Variants in XKR6 observed in about 807,000 individuals in gnomAD.
XKR6 encodes the protein XK-related protein 6.
A neutral mutation model predicts 56.7 loss-of-function variants in XKR6; 22 were observed. That is an observed-to-expected ratio of 0.39 (90% CI 0.28 to 0.55). The LOEUF is 0.55. Among genes scored for constraint, XKR6 ranks in the 20% least tolerant of loss-of-function variants. The probability of loss-of-function intolerance (pLI) is 0.66; values close to 1 mark genes in which losing one functional copy is unlikely to be tolerated. For missense variants in XKR6, 852 were observed against 889.0 expected (o/e 0.96, Z 0.53); for synonymous variants, 524 against 387.8 (o/e 1.35, Z -4.13).
chr8:10,933,480 T>C (rs1185381966), intron 1 of XKR6, among the ~76,000 whole-genome samples: 2 of 129,334 alleles, frequency 1.5e-5, no homozygotes, highest in African/African-American at 6.6e-5. Context: ...CCCACGCCTA[T>C]GTCCTGAGTG....
intron 1 of XKR6, among the ~76,000 whole-genome samples, chr8:11,193,996 A>T (rs908635956): frequency 1.3e-5 from 2 of 152,234 alleles, no homozygotes; most frequent in Non-Finnish European, 2.9e-5. Flanking sequence ...TTAACTAATG[A>T]GATCTCCAAA....
chr8:11,094,793 T>A (rs1467368222), intron 1 of XKR6, among the ~76,000 whole-genome samples: 3 of 152,142 alleles, frequency 2.0e-5, no homozygotes, highest in Middle Eastern at 3.2e-3. Flanking sequence ...GATTCCCAAG[T>A]TACTTACCCA....
chr8:11,163,698 C>T (rs942000315), intron 1 of XKR6, among the ~76,000 whole-genome samples: 1 of 152,202 alleles, frequency 6.6e-6, no homozygotes, highest in African/African-American at 2.4e-5. Flanking sequence ...TTCTACCGCA[C>T]TGACTTTGTG....
At chr8:10,979,487 T>C (rs779009497) in intron 1 of XKR6, among the ~76,000 whole-genome samples, 10 of 151,938 alleles carry the variant, frequency 6.6e-5, no homozygotes, top group Non-Finnish European at 1.0e-4. Flanking sequence ...CCAGAGCCAG[T>C]CCCTTTCACA....
At chr8:11,085,049 C>G (rs915311642) in intron 1 of XKR6, among the ~76,000 whole-genome samples, 2 of 152,180 alleles carry the variant, frequency 1.3e-5, no homozygotes, top group Non-Finnish European at 2.9e-5. Context: ...TCCATCCAGC[C>G]TTTGCCAGCC....
intron 1 of XKR6, among the ~76,000 whole-genome samples, chr8:11,161,257 G>A (rs1700658971): frequency 6.6e-6 from 1 of 152,102 alleles, no homozygotes; most frequent in South Asian, 2.1e-4. Flanking sequence ...CTCTGAATGG[G>A]GTCTAGAGTT....
chr8:11,136,192 C>T (rs1375454065), intron 1 of XKR6, among the ~76,000 whole-genome samples: 1 of 152,200 alleles, frequency 6.6e-6, no homozygotes, highest in African/African-American at 2.4e-5. Context: ...TGGTTTCCTC[C>T]ATTACTAGGG....
rs4841466 is a variant in XKR6 at position 10,971,399 on chromosome 8, T to A, written c.765-46569A>T. On this transcript the variant is annotated intron_variant, in intron 1 of 2. Transcript: ENST00000416569. ...TCGCACCACTGCACTCCAGCCTGGG[T>A]GACAGAGCGAGACTCCATCTCGAAA... 6.6e-5 allele frequency among the ~76,000 whole-genome samples: 10 copies of A among 151,464 alleles called. 1 individual carries two copies. Among genetic ancestry groups the A allele is most frequent in the African/African-American group, 2.4e-4 (10 of 41,278 alleles).
At chr8:11,071,718 G>C (rs1356733346) in intron 1 of XKR6, among the ~76,000 whole-genome samples, 1 of 152,142 alleles carries the variant, frequency 6.6e-6, no homozygotes, top group Non-Finnish European at 1.5e-5. Flanking sequence ...TGAGCCCCAA[G>C]TCTATGTTGT....
intron 1 of XKR6, among the ~76,000 whole-genome samples, chr8:11,002,098 T>A (rs1205502784): frequency 6.6e-6 from 1 of 150,766 alleles, no homozygotes; most frequent in Non-Finnish European, 1.5e-5. Flanking sequence ...AAAAACCTCC[T>A]TCCAGGTCCC....
intron 1 of XKR6, among the ~76,000 whole-genome samples, chr8:10,951,276 G>C (rs1285034814): frequency 8.2e-6 from 1 of 122,164 alleles, no homozygotes; most frequent in East Asian, 2.0e-4. Context: ...AAAACAGAGG[G>C]ATAGAAAAGT....
At chr8:10,971,024 C>T (rs533311687) in intron 1 of XKR6, among the ~76,000 whole-genome samples, 10 of 151,838 alleles carry the variant, frequency 6.6e-5, no homozygotes, top group African/African-American at 2.4e-4. Context: ...CAACTGCAGT[C>T]ACATTCAACT....
At chr8:10,908,931 G>A (rs960078769) in intron 2 of XKR6, among the ~76,000 whole-genome samples, 18 of 152,190 alleles carry the variant, frequency 1.2e-4, no homozygotes, top group Admixed American at 3.9e-4. Context: ...TTGGGAGGCC[G>A]AGGTGGGCAG....
intron 1 of XKR6, among the ~76,000 whole-genome samples, chr8:11,113,058 G>C (rs1798985445): frequency 6.6e-6 from 1 of 152,120 alleles, no homozygotes; most frequent in African/African-American, 2.4e-5. Context: ...GCCTTCTGTA[G>C]CACCCTCCAG....
rs1323373223 is a variant in XKR6, at chr8:10,987,883, C to T, written c.765-63053G>A. 2.0e-5 allele frequency among the ~76,000 whole-genome samples: 3 copies of T among 152,214 alleles called. 1 individual carries two copies. Reference sequence around the variant, plus strand: ...TGGCTCTTAGCAGAATCCTGGGCTACTGTCTCACAGCACCTGCAGGGCTCA... The same window carrying T: ...TGGCTCTTAGCAGAATCCTGGGCTATTGTCTCACAGCACCTGCAGGGCTCA... On this transcript the variant is annotated intron_variant, in intron 1 of 2. Transcript: ENST00000416569.
Position 11,201,111 on chromosome 8 carries a change from G to T in XKR6, c.229C>A (p.Leu77Ile). Residue 77 changes from leucine to isoleucine, a missense_variant, in exon 1 of 3, where the codon CTC (leucine) becomes ATC (isoleucine). This residue lies in a region of XKR6 where 417 missense variants were observed against 355.2 expected (regional missense o/e 1.17). Transcript: ENST00000416569. ...CTGCGGCGCGGCTTCCTGCCCAGGA[G>T]GGAGCGCAGGCAGGCGGAGCGGCAG... is the stretch of plus-strand genomic sequence containing the variant. ...WGCRSACLRS[L>I]LGRKPRRSAA... is the part of the protein sequence containing the mutation. 2 of 1,506,686 alleles carry T rather than the reference G, an allele frequency of 1.3e-6. No homozygotes were observed. Among genetic ancestry groups the T allele is most frequent in the Admixed American group, 4.1e-5 (2 of 48,404 alleles). The allele number at this position is 1,506,686 out of a possible 1,614,324, so 93.3% of individuals were successfully genotyped here. A position where few individuals can be genotyped will look rare whatever the true frequency, so the allele number is the denominator to read the frequency against.
intron 1 of XKR6, among the ~76,000 whole-genome samples, chr8:11,170,556 G>C (rs1309211453): frequency 6.6e-6 from 1 of 152,216 alleles, no homozygotes; most frequent in Non-Finnish European, 1.5e-5. Flanking sequence ...GGGAAAATGA[G>C]AAGTGACTAC....
chr8:11,144,723 A>G (rs2116949222), intron 1 of XKR6, among the ~76,000 whole-genome samples: 1 of 152,214 alleles, frequency 6.6e-6, no homozygotes, highest in African/African-American at 2.4e-5. Context: ...TCTTTCCTCA[A>G]AGCCGTGCCT....
chr8:10,977,138 C>G (rs577915579), intron 1 of XKR6, among the ~76,000 whole-genome samples: 34 of 152,186 alleles, frequency 2.2e-4, no homozygotes, highest in Admixed American at 3.9e-4. Flanking sequence ...CACAGGCACT[C>G]CCTTTACAAG....
Sources: allele counts gnomAD v4.1 joint callset (sites outside exome capture counted in the v4.1 genomes callset), GRCh38; gene constraint gnomAD v4.1.1; regional missense constraint gnomAD v4.1.1; transcripts MANE v1.5; gene names NCBI Gene and HGNC (gene_info 2026-07-23, HGNC 2026-07-21).